The following MKI67 variants were observed in gnomAD, a reference collection of about 807,000 sequenced individuals.
MKI67 encodes marker of proliferation Ki-67.
MKI67 carries 152 observed loss-of-function variants against 233.5 expected under a neutral mutation model. The ratio of observed to expected loss-of-function variants is 0.65; its 90% CI spans 0.57 to 0.74. The LOEUF is 0.74. MKI67 is among the 30% of genes least tolerant of loss of function. The pLI, the probability that MKI67 is intolerant of heterozygous loss-of-function variation, is 0.00. For synonymous variants in MKI67, 1,465 were observed against 1,418.5 expected, an observed-to-expected ratio of 1.03 and a Z score of -0.74; for missense variants, 3,940 against 3,885.2, an observed-to-expected ratio of 1.01 and a Z score of -0.37.
intron 13 of MKI67, among the ~76,000 whole-genome samples, chr10:128,101,961 G>A (rs1288353583): frequency 6.6e-6 from 1 of 152,130 alleles, no homozygotes; most frequent in Non-Finnish European, 1.5e-5. Context: ...TGCCTAATAA[G>A]ATATATATCA....
chr10:128,102,631 A>C lies in MKI67; in HGVS notation c.9209T>G (p.Met3070Arg). ...TTTGTGTTCCTCTTTGTTGGTTTTCATGTCGTTGCTGTTCAGCTCTTCCGC... is the reference window on the plus strand; with the variant it reads ...TTTGTGTTCCTCTTTGTTGGTTTTCCTGTCGTTGCTGTTCAGCTCTTCCGC... The part of the protein sequence containing the change: ...EPAEELNSND[M>R]KTNKEEHKLQ... Residue 3070 changes from methionine (M) to arginine (R), a missense_variant, in exon 13 of 15, where the codon ATG becomes AGG. Transcript: ENST00000368654. 1 of 1,614,158 alleles carries C rather than the reference A, an allele frequency of 6.2e-7. No individual in the cohort carries two copies. Among genetic ancestry groups the C allele is most frequent in the Non-Finnish European group, 8.5e-7 (1 of 1,180,030 alleles).
rs763821460 is a variant in MKI67, at chr10:128,098,429, G to A, written c.*761C>T. 3 of 152,176 alleles carry A rather than the reference G, an allele frequency of 2.0e-5. No homozygotes were observed. Among genetic ancestry groups the A allele is most frequent in the South Asian group, 2.1e-4 (1 of 4,828 alleles). The allele number at this position is 152,176 out of a possible 1,614,324, so 9.4% of individuals were successfully genotyped here. A position where few individuals can be genotyped will look rare whatever the true frequency, so the allele number is the denominator to read the frequency against. On this transcript the variant is annotated 3_prime_UTR_variant, in exon 15 of 15. Coordinates refer to ENST00000368654, the MANE Select transcript of MKI67 (RefSeq NM_002417.5). ...CAATGACAGGAAAGCTGGAGATTAG[G>A]AGCCAGTTTGAGGTCGTGATGGCCC... is the stretch of plus-strand genomic sequence containing the variant.
In MKI67 at chr10:128,116,519, G is replaced by T; in HGVS notation, c.372C>A (p.Val124=). 1 of 1,614,088 alleles carries T rather than the reference G, an allele frequency of 6.2e-7. No homozygotes were observed. Among genetic ancestry groups the T allele is most frequent in the Non-Finnish European group, 8.5e-7 (1 of 1,179,948 alleles). Residue 124 remains valine, a synonymous_variant, in exon 6 of 15, where the codon GTC becomes GTA. Coordinates refer to ENST00000368654, the MANE Select transcript of MKI67 (RefSeq NM_002417.5). ...GGTCAGAAGAGAAGCTAGATCTTGA[G>T]ACACGACGTGCTGGCTCCTGTAAGT... ...KIREQEPARR[V]SRSSFSSDPD...
At position 128,103,618 on chromosome 10, in the gene MKI67, T is replaced by A; in HGVS notation, c.8222A>T (p.Lys2741Met). Reference sequence around the variant, plus strand: ...GGTTTCCCCTGATGTTTGTGTGAACTTGACTGCTGAAGGCTCTTCTTTTAC... The same window carrying A: ...GGTTTCCCCTGATGTTTGTGTGAACATGACTGCTGAAGGCTCTTCTTTTAC... ...VQVKEEPSAV[K>M]FTQTSGETTD... The change falls in exon 13 of 15, where the codon AAG (lysine) becomes ATG (methionine). Residue 2741 changes from lysine to methionine, a missense_variant. Lys to Met is a moderately conservative substitution (Grantham distance 95). Transcript: ENST00000368654. 6.2e-7 allele frequency: 1 copy of A among 1,614,206 alleles called. No homozygotes were observed. Among genetic ancestry groups the A allele is most frequent in the Non-Finnish European group, 8.5e-7 (1 of 1,180,040 alleles).
rs760459665 is a variant in MKI67 at position 128,099,006 on chromosome 10, G to C, written c.*184C>G. 3.1e-4 allele frequency: 155 copies of C among 500,062 alleles called. 2 individuals are homozygous for C. Among genetic ancestry groups the C allele is most frequent in the South Asian group, 8.7e-4 (31 of 35,636 alleles). The allele number at this position is 500,062 out of a possible 1,614,324, so 31.0% of individuals were successfully genotyped here. ...CGGTGTTCAACTATTCTCAGTCCAG[G>C]AGCCCAGCAGTGCTCCCAGTGGAGT... On this transcript the variant is annotated 3_prime_UTR_variant, in exon 15 of 15. Coordinates refer to ENST00000368654, the MANE Select transcript of MKI67 (RefSeq NM_002417.5).
At chr10:128,122,727 C>T (rs575648297) in intron 4 of MKI67, among the ~76,000 whole-genome samples, 154 bp downstream of exon 4, 4 of 152,280 alleles carry the variant, frequency 2.6e-5, no homozygotes, top group Admixed American at 1.3e-4. Context: ...TTCCTAGATC[C>T]ATATCCTTTT....
intron 13 of MKI67, 140 bp from the exon 14 acceptor site, chr10:128,101,841 T>C (rs2136124681): frequency 1.4e-6 from 1 of 695,916 alleles, no homozygotes; most frequent in South Asian, 2.0e-5. Context: ...CTAAGAGACT[T>C]GTCATCTAGG....
At chr10:128,113,023 A>T (rs558387494) in intron 8 of MKI67, among the ~76,000 whole-genome samples, 1 of 152,362 alleles carries the variant, frequency 6.6e-6, no homozygotes, top group Admixed American at 6.5e-5. Context: ...CCTTCACACC[A>T]GGTAAATGCC....
chr10:128,112,107 T>C (rs1470522717), intron 9 of MKI67, 26 bp downstream of exon 9: 5 of 1,610,906 alleles, frequency 3.1e-6, no homozygotes, highest in Non-Finnish European at 2.5e-6. Context: ...TTCACCTTAA[T>C]ATATGTATTC....
chr10:128,105,452 T>C lies in MKI67; in HGVS notation c.6388A>G (p.Ile2130Val). The C allele has an allele frequency of 1.2e-6, 2 of 1,614,066 alleles. No individual in the cohort carries two copies. Among genetic ancestry groups the C allele is most frequent in the African/African-American group, 1.3e-5 (1 of 74,994 alleles). ...TTCAGGGCTGAGAGCTCTTCCACTA[T>C]ATCCCTTTTCCCCAAAGGTGTTTTG... ...RPKTPLGKRD[I>V]VEELSALKQL... The change falls in exon 13 of 15, where the codon ATA (isoleucine) becomes GTA (valine). Residue 2130 changes from isoleucine to valine, a missense_variant. Physicochemically the swap from Ile to Val is conservative, Grantham distance 29. Coordinates refer to ENST00000368654, the MANE Select transcript of MKI67 (RefSeq NM_002417.5).
intron 4 of MKI67, among the ~76,000 whole-genome samples, chr10:128,122,307 G>T (rs1469707653): frequency 6.6e-6 from 1 of 152,102 alleles, no homozygotes; most frequent in Non-Finnish European, 1.5e-5. Context: ...CTGTGCACGT[G>T]TTCCCTAATC....
At chr10:128,114,818 C>G (rs75222497) in intron 7 of MKI67, 110 bp downstream of exon 7, 3 of 1,123,418 alleles carry the variant, frequency 2.7e-6, no homozygotes, top group Non-Finnish European at 3.8e-6. Context: ...GCCTTATGTG[C>G]TTACATTCTC....
Position 128,101,384 on chromosome 10 carries a change from T to C in MKI67, c.9579A>G (p.Gly3193=). The C allele has an allele frequency of 6.2e-7, 1 of 1,614,236 alleles. No homozygotes were observed. The highest frequency in any genetic ancestry group is 8.5e-7 in the Non-Finnish European group (1 of 1,180,024). Reference sequence around the variant, plus strand: ...ATCTCAGGCACATGGAGTCTGAATTTCCTGCTTCTCCTTTCCCTTTCTGAT... The same window carrying C: ...ATCTCAGGCACATGGAGTCTGAATTCCCTGCTTCTCCTTTCCCTTTCTGAT... ...MQNQKGKGEA[G]NSDSMCLRSR... The change falls in exon 14 of 15, where the codon GGA becomes GGG. Residue 3193 remains glycine (G), a synonymous_variant. Transcript: ENST00000368654.
rs1489730985 is a variant in MKI67, at chr10:128,109,227, A to T, written c.2613T>A (p.Thr871=). ...CTGTAGACCTTCCTGACCTGTTTGC[A>T]GTGGATACTGTTTTTGAAGGCTCTG... The part of the protein sequence containing the change: ...TETEPSKTVS[T]ANRSGRSTEF... Residue 871 remains threonine (T), a synonymous_variant, in exon 13 of 15, where the codon ACT becomes ACA. Coordinates refer to ENST00000368654, the MANE Select transcript of MKI67 (RefSeq NM_002417.5). 6.2e-7 allele frequency: 1 copy of T among 1,614,146 alleles called. No homozygotes were observed. Among genetic ancestry groups the T allele is most frequent in the South Asian group, 1.1e-5 (1 of 91,084 alleles).
chr10:128,105,772 C>T lies in MKI67; in HGVS notation c.6068G>A (p.Gly2023Glu), dbSNP rs149706492. Residue 2023 changes from glycine to glutamate, a missense_variant, in exon 13 of 15, where the codon GGG becomes GAG. Coordinates refer to ENST00000368654, the MANE Select transcript of MKI67 (RefSeq NM_002417.5). ...LPVGKLTQTS[G>E]KTTQTHRETA... ...CTCTCTGTGTGTCTGTGTGGTCTTCCCTGACGTCTGTGTGAGCTTGCCGAC... is the reference window on the plus strand; with the variant it reads ...CTCTCTGTGTGTCTGTGTGGTCTTCTCTGACGTCTGTGTGAGCTTGCCGAC... 5.3e-4 allele frequency: 852 copies of T among 1,613,976 alleles called. No individual in the cohort carries two copies. Among genetic ancestry groups the T allele is most frequent in the East Asian group, 3.7e-3 (166 of 44,842 alleles).
intron 5 of MKI67, 116 bp downstream of exon 5, chr10:128,119,137 C>A: frequency 2.7e-6 from 2 of 741,246 alleles, no homozygotes; most frequent in Non-Finnish European, 4.7e-6. Flanking sequence ...CATTTTCCTA[C>A]TATAACAGTA....
chr10:128,122,070 T>C (rs1483166214), intron 4 of MKI67, among the ~76,000 whole-genome samples: 1 of 152,204 alleles, frequency 6.6e-6, no homozygotes, highest in Non-Finnish European at 1.5e-5. Flanking sequence ...ACAGCATTTT[T>C]AAAAAGCTTC....
In MKI67 at chr10:128,097,137, T is replaced by C. The variant is rs536243791; in HGVS notation, c.*2053A>G. On this transcript the variant is annotated 3_prime_UTR_variant, in exon 15 of 15. Coordinates refer to ENST00000368654, the MANE Select transcript of MKI67 (RefSeq NM_002417.5). The stretch of plus-strand genomic sequence containing the variant: ...GGCGAAAAAGTAAAAACAGCTTGTA[T>C]TTAATGGGAATGTCCTATTACATGG... 1 of 152,308 alleles carries C rather than the reference T, an allele frequency of 6.6e-6. No individual in the cohort carries two copies. The highest frequency in any genetic ancestry group is 2.1e-4 in the South Asian group (1 of 4,826). 9.4% of individuals were successfully genotyped at this position (152,308 alleles called of 1,614,324 possible).
At position 128,104,641 on chromosome 10, in the gene MKI67, A is replaced by G. The variant is rs1348945855; in HGVS notation, c.7199T>C (p.Ile2400Thr). The change falls in exon 13 of 15, where the codon ATC (isoleucine) becomes ACC (threonine). Residue 2400 changes from isoleucine to threonine, a missense_variant. Transcript: ENST00000368654. ...CACTGGAGTTTCCACAAATGTGTTGATATTTTTCTCATCACTTACTGCTGG... is the reference window on the plus strand; with the variant it reads ...CACTGGAGTTTCCACAAATGTGTTGGTATTTTTCTCATCACTTACTGCTGG... ...PKPAVSDEKN[I>T]NTFVETPVQK... 4 of 1,613,478 alleles carry G rather than the reference A, an allele frequency of 2.5e-6. No individual in the cohort carries two copies. The South Asian group carries it at 3.3e-5, about 13-fold the overall frequency.
Sources: gnomAD v4.1 joint callset for allele counts (sites outside exome capture counted in the v4.1 genomes callset) on GRCh38, gnomAD v4.1.1 for gene constraint, MANE v1.5 for transcripts, NCBI Gene and HGNC (gene_info 2026-07-23, HGNC 2026-07-21) for gene names.